Variants in ANXA10 observed in about 807,000 individuals in gnomAD.
ANXA10 encodes annexin A10.
ANXA10 carries 49 observed loss-of-function variants against 53.5 expected under a neutral mutation model. The ratio of observed to expected loss-of-function variants is 0.92; its 90% confidence interval spans 0.73 to 1.16. The LOEUF is 1.16. Ranked by LOEUF, ANXA10 falls within the 50% of genes most tolerant of loss-of-function variation. The pLI, the probability that ANXA10 is intolerant of heterozygous loss-of-function variation, is 0.00. For missense variants in ANXA10, 393 were observed against 394.4 expected, an observed-to-expected ratio of 1.00 and a Z score of 0.03; for synonymous variants, 131 against 128.9, an observed-to-expected ratio of 1.02 and a Z score of -0.11.
In ANXA10 at chr4:168,177,749, G is replaced by C; in HGVS notation, c.490G>C (p.Glu164Gln). The C allele has an allele frequency of 6.2e-7, 1 of 1,614,160 alleles. No homozygotes were observed. The highest frequency in any genetic ancestry group is 8.5e-7 in the Non-Finnish European group (1 of 1,180,016). Residue 164 changes from glutamate (E) to glutamine (Q), a missense_variant, in exon 7 of 12, where the codon GAG (glutamate) becomes CAG (glutamine). Transcript: ENST00000359299. ...TGTGCTTACTTTACAGGGGACCAGA[G>C]AGGAAGGATATACAGACCCTGCGAT... ...TLMNLVQGTR[E>Q]EGYTDPAMAA...
intron 3 of ANXA10, among the ~76,000 whole-genome samples, chr4:168,151,765 ACCT>A (rs1731501820): frequency 6.6e-6 from 1 of 152,152 alleles, no homozygotes; most frequent in African/African-American, 2.4e-5. Context: ...TGAAAGTAAC[ACCT>A]CCTTCCAGTG....
chr4:168,175,798 C>G (rs1325993973), intron 6 of ANXA10, among the ~76,000 whole-genome samples: 1 of 152,172 alleles, frequency 6.6e-6, no homozygotes, highest in Non-Finnish European at 1.5e-5. Context: ...GGACATACAA[C>G]TTTTGAGTTA....
At chr4:168,113,134 G>C (rs1057373418) in intron 1 of ANXA10, 3 of 152,244 alleles carry the variant, frequency 2.0e-5, no homozygotes, top group African/African-American at 7.2e-5. Context: ...CTTAATGCCT[G>C]AGAGTTAAAT....
chr4:168,098,237 A>G (rs1185475398), intron 1 of ANXA10, among the ~76,000 whole-genome samples: 2 of 152,132 alleles, frequency 1.3e-5, no homozygotes, highest in Admixed American at 6.6e-5. Flanking sequence ...GGCAAGCACT[A>G]AGAACGTACT....
chr4:168,173,102 T>G (rs1372733014), intron 6 of ANXA10, among the ~76,000 whole-genome samples: 1 of 152,238 alleles, frequency 6.6e-6, no homozygotes, highest in East Asian at 1.9e-4. Flanking sequence ...CCATATTATA[T>G]AGATTGGTCA....
chr4:168,111,948 G>A (rs530962019), intron 1 of ANXA10, among the ~76,000 whole-genome samples: 1 of 152,210 alleles, frequency 6.6e-6, no homozygotes, highest in Admixed American at 6.5e-5. Context: ...TTATCTTCAA[G>A]ATAAGCACAA....
At chr4:168,159,363 G>A (rs1663424601) in intron 3 of ANXA10, among the ~76,000 whole-genome samples, 1 of 152,098 alleles carries the variant, frequency 6.6e-6, no homozygotes, top group Non-Finnish European at 1.5e-5. Context: ...TTCTTATGAA[G>A]TTTTTATTTT....
intron 3 of ANXA10, among the ~76,000 whole-genome samples, chr4:168,156,827 T>C (rs1731693613): frequency 6.6e-6 from 1 of 152,030 alleles, no homozygotes; most frequent in Non-Finnish European, 1.5e-5. Flanking sequence ...TTATCCATCT[T>C]GGTGATGTTT....
chr4:168,111,197 T>C (rs1470088768), intron 1 of ANXA10, among the ~76,000 whole-genome samples: 1 of 152,204 alleles, frequency 6.6e-6, no homozygotes, highest in Non-Finnish European at 1.5e-5. Context: ...AATTCAGTCC[T>C]TCACACATTA....
In ANXA10 at chr4:168,141,326, C is replaced by T. The variant is rs1731321744; in HGVS notation, c.195+1746C>T. The stretch of plus-strand genomic sequence containing the variant: ...GTTCTGTAAATTATTTCTCTTCACA[C>T]ATTTCTCTCTTTAAACTGACTTACA... On this transcript the variant is annotated intron_variant, in intron 3 of 11. Transcript: ENST00000359299. Among the ~76,000 whole-genome samples, 3 of 152,170 alleles carry T rather than the reference C, an allele frequency of 2.0e-5. No individual in the cohort carries two copies. In the South Asian group the frequency reaches 6.2e-4, roughly 32 times the overall value.
intron 3 of ANXA10, among the ~76,000 whole-genome samples, chr4:168,142,630 T>C (rs1002465656): frequency 6.6e-6 from 1 of 152,214 alleles, no homozygotes; most frequent in Non-Finnish European, 1.5e-5. Flanking sequence ...GTCTAAAGCT[T>C]TGAAAGCTGG....
At chr4:168,127,938 G>C in intron 1 of ANXA10, 146 bp from the exon 2 acceptor site, 1 of 560,128 alleles carries the variant, frequency 1.8e-6, no homozygotes. Flanking sequence ...TGGCCAGGTT[G>C]GTCTTCAACT....
chr4:168,122,066 C>G (rs1199680224), intron 1 of ANXA10, among the ~76,000 whole-genome samples: 3 of 152,178 alleles, frequency 2.0e-5, no homozygotes, highest in Non-Finnish European at 4.4e-5. Flanking sequence ...ATTTCGTGAA[C>G]TCCTGATCTT....
rs562897301 is a variant in ANXA10, at chr4:168,128,242, A to G, written c.100+77A>G. ...CTTGTTTTAAGACTATACTGTGGGT[A>G]TAAAATAGTTGATGTCTTACAAAAC... On this transcript the variant is annotated intron_variant, in intron 2 of 11. Transcript: ENST00000359299. 8 of 1,070,438 alleles carry G rather than the reference A, an allele frequency of 7.5e-6. No homozygotes were observed. In the East Asian group the frequency reaches 2.1e-4, roughly 29 times the overall value. 66.3% of individuals were successfully genotyped at this position (1,070,438 alleles called of 1,614,324 possible).
intron 2 of ANXA10, among the ~76,000 whole-genome samples, chr4:168,134,928 C>G (rs1219157339): frequency 6.6e-6 from 1 of 152,194 alleles, no homozygotes; most frequent in Non-Finnish European, 1.5e-5. Flanking sequence ...TCCTGTGATC[C>G]TAAGCCCATC....
At chr4:168,104,681 C>T (rs1275562952) in intron 1 of ANXA10, among the ~76,000 whole-genome samples, 2 of 151,752 alleles carry the variant, frequency 1.3e-5, no homozygotes, top group African/African-American at 4.8e-5. Context: ...CATAGCATTC[C>T]TTTTGGTAGG....
In ANXA10 at chr4:168,187,661, T is replaced by C. The variant is rs1732397089; in HGVS notation, c.*227T>C. On this transcript the variant is annotated 3_prime_UTR_variant, in exon 12 of 12. Coordinates refer to ENST00000359299, the MANE Select transcript of ANXA10 (RefSeq NM_007193.5). ...GCCTACTATCTAATCAGCAATTAAATAAATTGTGCATGATGGAATAATAGA... is the reference window on the plus strand; with the variant it reads ...GCCTACTATCTAATCAGCAATTAAACAAATTGTGCATGATGGAATAATAGA... The C allele has an allele frequency of 2.9e-6, 1 of 339,244 alleles. No individual in the cohort carries two copies. Among genetic ancestry groups the C allele is most frequent in the Admixed American group, 4.8e-5 (1 of 20,848 alleles). 21.0% of individuals were successfully genotyped at this position (339,244 alleles called of 1,614,324 possible).
chr4:168,164,546 A>T (rs988616840), intron 5 of ANXA10, among the ~76,000 whole-genome samples: 3 of 152,154 alleles, frequency 2.0e-5, no homozygotes, highest in Non-Finnish European at 2.9e-5. Flanking sequence ...GTTTTCATTA[A>T]GACAGGAAAG....
intron 5 of ANXA10, among the ~76,000 whole-genome samples, chr4:168,164,503 A>C (rs2149477601): frequency 6.6e-6 from 1 of 152,278 alleles, no homozygotes; most frequent in African/African-American, 2.4e-5. Context: ...CAAATTTTCC[A>C]GGAAAATAAT....
Sources: allele counts gnomAD v4.1 joint callset (sites outside exome capture counted in the v4.1 genomes callset), GRCh38; gene constraint gnomAD v4.1.1; transcripts MANE v1.5; gene names NCBI Gene and HGNC (gene_info 2026-07-23, HGNC 2026-07-21).